Variants in SLF2 observed in about 807,000 individuals in gnomAD.
The protein encoded by SLF2 is SMC5/6 complex localization factor 2, also known as SMC5-SMC6 complex localization factor protein 2.
SLF2 carries 68 observed loss-of-function variants against 124.3 expected under a neutral mutation model. The observed-to-expected ratio is 0.55, with a 90% confidence interval of 0.45 to 0.67. The LOEUF (loss-of-function observed/expected upper bound fraction) is 0.67. Ranked by LOEUF, SLF2 falls within the 30% of genes least tolerant of loss-of-function variation. The pLI is 0.00. For missense variants in SLF2, 1,246 were observed against 1,373.7 expected (o/e 0.91, Z 1.47); for synonymous variants, 480 against 478.8 (o/e 1.00, Z -0.03).
At chr10:100,961,480 CTTATAT>C (rs1408940720) in intron 19 of SLF2, among the ~76,000 whole-genome samples, 2 of 152,048 alleles carry the variant, frequency 1.3e-5, no homozygotes, top group South Asian at 2.1e-4. Context: ...TTTGAGAAAT[CTTATAT>C]TTATGTTTTG....
At chr10:100,917,695 G>C (rs1448013076) in intron 3 of SLF2, among the ~76,000 whole-genome samples, 2 of 152,034 alleles carry the variant, frequency 1.3e-5, no homozygotes, top group East Asian at 3.8e-4. Context: ...TCTCACCTCA[G>C]CTTCCCAAGT....
rs748740024 is a variant in SLF2 at position 100,938,771 on chromosome 10, T to C, written c.2654+35T>C. 11 of 1,558,936 alleles carry C rather than the reference T, an allele frequency of 7.1e-6. No homozygotes were observed. The Admixed American group carries it at 8.1e-5, about 11-fold the overall frequency. On this transcript the variant is annotated intron_variant, in intron 11 of 19. Transcript: ENST00000238961. Reference sequence around the variant, plus strand: ...CTCATCATAATTAACGCCAAAAATATCATTTCGTACGACTTATATATAATT... The same window carrying C: ...CTCATCATAATTAACGCCAAAAATACCATTTCGTACGACTTATATATAATT...
At chr10:100,916,071 G>T in intron 2 of SLF2, 29 bp downstream of exon 2, 1 of 1,584,104 alleles carries the variant, frequency 6.3e-7, no homozygotes, top group Non-Finnish European at 8.6e-7. Flanking sequence ...CATTTTTTGT[G>T]GGCTATTTTG....
chr10:100,938,517 C>A, intron 10 of SLF2, 78 bp from the exon 11 acceptor site: 1 of 1,377,436 alleles, frequency 7.3e-7, no homozygotes, highest in South Asian at 1.4e-5. Context: ...ATTCATGTTT[C>A]ACCTGCAGAC....
At chr10:100,941,082 C>A (rs1849966119) in intron 11 of SLF2, among the ~76,000 whole-genome samples, 1 of 151,820 alleles carries the variant, frequency 6.6e-6, no homozygotes, top group Non-Finnish European at 1.5e-5. Context: ...TCAAGCAATC[C>A]TCACACCTTG....
At position 100,924,027 on chromosome 10, in the gene SLF2, C is replaced by T; in HGVS notation, c.1026C>T (p.Asp342=). ...AAAAAAGAAAAAGGAACTCTGTGGA[C>T]TCAGATCTGAAAAGCACAAGAGAAT... The part of the protein sequence containing the change: ...FPEKRKRNSV[D]SDLKSTRESM... The change falls in exon 5 of 20, where the codon GAC becomes GAT. Residue 342 remains aspartate, a synonymous_variant. Transcript: ENST00000238961. 1 of 1,583,264 alleles carries T rather than the reference C, an allele frequency of 6.3e-7. No individual in the cohort carries two copies. Among genetic ancestry groups the T allele is most frequent in the Non-Finnish European group, 8.5e-7 (1 of 1,170,188 alleles).
intron 11 of SLF2, chr10:100,943,732 A>C (rs1290890300): frequency 3.5e-5 from 9 of 254,032 alleles, no homozygotes; most frequent in Non-Finnish European, 5.9e-5. Flanking sequence ...TTCAAGAGAA[A>C]ACTGATGCAT....
chr10:100,950,853 T>C (rs1850197750), intron 17 of SLF2, 100 bp downstream of exon 17: 1 of 905,072 alleles, frequency 1.1e-6, no homozygotes, highest in Admixed American at 2.4e-5. Context: ...ATGTAAACTT[T>C]TCTTAATATA....
intron 1 of SLF2, chr10:100,913,866 A>G: frequency 2.0e-6 from 2 of 985,454 alleles, no homozygotes; most frequent in Non-Finnish European, 1.2e-6. Context: ...CTCTGACAAT[A>G]AAACATGTTT....
In SLF2 at chr10:100,939,548, C is replaced by T. The variant is rs190214485; in HGVS notation, c.2654+812C>T. ...AAAACGTTAGCCAGGTGTAGTGGCA[C>T]GCACCTGTAGTCCCAGCTACTTGGG... On this transcript the variant is annotated intron_variant, in intron 11 of 19. Transcript: ENST00000238961. Among the ~76,000 whole-genome samples, 7 of 151,744 alleles carry T rather than the reference C, an allele frequency of 4.6e-5. No homozygotes were observed. The East Asian group carries it at 5.8e-4, about 13-fold the overall frequency.
intron 4 of SLF2, among the ~76,000 whole-genome samples, chr10:100,921,403 C>T (rs1042502999): frequency 4.6e-5 from 7 of 152,156 alleles, no homozygotes; most frequent in Non-Finnish European, 1.0e-4. Context: ...TTTTTACAAA[C>T]TCAATCTCTC....
intron 4 of SLF2, among the ~76,000 whole-genome samples, chr10:100,923,077 A>G (rs1849549995): frequency 6.6e-6 from 1 of 152,144 alleles, no homozygotes; most frequent in South Asian, 2.1e-4. Flanking sequence ...CACTCAGCCC[A>G]CAATATGAAT....
At chr10:100,914,012 A>T (rs1270026849) in intron 1 of SLF2, 4 of 516,408 alleles carry the variant, frequency 7.7e-6, no homozygotes, top group Non-Finnish European at 1.0e-5. Context: ...AAGCTATGAA[A>T]ACCAAAACGT....
At chr10:100,950,006 A>T in intron 15 of SLF2, 70 bp from the exon 16 acceptor site, 1 of 1,397,074 alleles carries the variant, frequency 7.2e-7, no homozygotes, top group Admixed American at 2.4e-5. Context: ...TACACACTGG[A>T]AAAAAATAGC....
At chr10:100,957,592 C>T (rs1427174636) in intron 18 of SLF2, among the ~76,000 whole-genome samples, 2 of 151,368 alleles carry the variant, frequency 1.3e-5, no homozygotes, top group Non-Finnish European at 2.9e-5. Context: ...AACTCCTGAC[C>T]TCGTGATCTG....
In SLF2 at chr10:100,916,580, G is replaced by T; in HGVS notation, c.195G>T (p.Met65Ile). ...TAATTGGCTATTTAGACAGACACAT[G>T]TTGGATTCACCACAAAAATCAAACA... Reference protein sequence around the residue: ...FKPASKQDRHMLDSPQKSNIK... With the variant: ...FKPASKQDRHILDSPQKSNIK... Residue 65 changes from methionine (M) to isoleucine (I), a missense_variant, in exon 3 of 20, where the codon ATG (methionine) becomes ATT (isoleucine). Physicochemically the swap from Met to Ile is conservative, Grantham distance 10 (BLOSUM62 1). Transcript: ENST00000238961. 7.2e-7 allele frequency: 1 copy of T among 1,387,766 alleles called. No individual in the cohort carries two copies. Among genetic ancestry groups the T allele is most frequent in the Non-Finnish European group, 9.4e-7 (1 of 1,065,144 alleles). The allele number at this position is 1,387,766 out of a possible 1,614,324, so 86.0% of individuals were successfully genotyped here.
At chr10:100,926,323 G>A in intron 6 of SLF2, 1 of 1,433,138 alleles carries the variant, frequency 7.0e-7, no homozygotes, top group Non-Finnish European at 9.1e-7. Context: ...GAAAAAAAGA[G>A]GCCAGGTGTG....
At chr10:100,957,366 T>C (rs1169892839) in intron 18 of SLF2, among the ~76,000 whole-genome samples, 2 of 87,844 alleles carry the variant, frequency 2.3e-5, no homozygotes, top group East Asian at 6.1e-4. Flanking sequence ...TTTTTTTTTT[T>C]TGAGATGGAG....
At chr10:100,917,792 G>C (rs1849446334) in intron 3 of SLF2, among the ~76,000 whole-genome samples, 1 of 152,090 alleles carries the variant, frequency 6.6e-6, no homozygotes, top group South Asian at 2.1e-4. Context: ...GCCCAGGCTG[G>C]CCTTGAACCC....
Sources: gnomAD v4.1 joint callset for allele counts (sites outside exome capture counted in the v4.1 genomes callset) on GRCh38, gnomAD v4.1.1 for gene constraint, MANE v1.5 for transcripts, NCBI Gene and HGNC (gene_info 2026-07-23, HGNC 2026-07-21) for gene names.